The following ARB2A variants were observed in gnomAD, a reference collection of about 807,000 sequenced individuals.
ARB2A encodes cotranscriptional regulator ARB2A.
chr5:94,084,029 T>C, the ARB2A span, among the ~76,000 whole-genome samples: 13 of 151,932 alleles, frequency 8.6e-5, no homozygotes, highest in African/African-American at 2.9e-4. Context: ...TCCCAGCACT[T>C]TGGGAAGCCA....
chr5:93,847,129 A>G, the ARB2A span, among the ~76,000 whole-genome samples: 5 of 152,190 alleles, frequency 3.3e-5, no homozygotes, highest in African/African-American at 1.2e-4. Flanking sequence ...TTCTCTGCTC[A>G]TCTGTAAGAG....
the ARB2A span, among the ~76,000 whole-genome samples, chr5:93,925,737 A>C: frequency 6.6e-6 from 1 of 152,160 alleles, no homozygotes; most frequent in Non-Finnish European, 1.5e-5. Context: ...CCATGGGGAG[A>C]TATGTTGAAA....
At chr5:94,040,376 T>C in the ARB2A span, among the ~76,000 whole-genome samples, 2 of 151,894 alleles carry the variant, frequency 1.3e-5, no homozygotes, top group African/African-American at 2.4e-5. Flanking sequence ...AATTATATTT[T>C]AAGTTTTAGG....
At chr5:94,021,221 T>C in the ARB2A span, among the ~76,000 whole-genome samples, 1 of 152,014 alleles carries the variant, frequency 6.6e-6, no homozygotes, top group African/African-American at 2.4e-5. Flanking sequence ...ATGGAAATGG[T>C]TTATACAGGA....
the ARB2A span, among the ~76,000 whole-genome samples, chr5:93,853,295 G>A: frequency 2.0e-5 from 3 of 152,212 alleles, no homozygotes; most frequent in African/African-American, 4.8e-5. Context: ...TGTGATTTTT[G>A]TACATTGATT....
At chr5:93,952,073 AC>A in the ARB2A span, among the ~76,000 whole-genome samples, 2 of 152,262 alleles carry the variant, frequency 1.3e-5, no homozygotes, top group Non-Finnish European at 2.9e-5. Context: ...TATAGGTAAG[AC>A]CCTGGAAGTT....
At chr5:93,993,529 T>TA in the ARB2A span, among the ~76,000 whole-genome samples, 1 of 152,158 alleles carries the variant, frequency 6.6e-6, no homozygotes, top group Non-Finnish European at 1.5e-5. Context: ...TCATCCACTA[T>TA]AAAATCTTTT....
the ARB2A span, among the ~76,000 whole-genome samples, chr5:93,754,047 C>T: frequency 2.0e-5 from 3 of 152,150 alleles, no homozygotes; most frequent in Non-Finnish European, 2.9e-5. Context: ...TCTGTGATGC[C>T]TAGAGCACTG....
At chr5:93,887,824 G>A in the ARB2A span, among the ~76,000 whole-genome samples, 1,620 of 151,962 alleles carry the variant, frequency 0.011, 13 homozygotes, top group Non-Finnish European at 0.016. Context: ...CAAAATCTTT[G>A]TTAATCTCAT....
At chr5:93,994,293 A>G in the ARB2A span, among the ~76,000 whole-genome samples, 1 of 152,218 alleles carries the variant, frequency 6.6e-6, no homozygotes, top group Non-Finnish European at 1.5e-5. Context: ...GAATAAAGAA[A>G]GAAAATATGG....
chr5:93,697,018 C>T, the ARB2A span, among the ~76,000 whole-genome samples: 1 of 143,868 alleles, frequency 7.0e-6, no homozygotes, highest in African/African-American at 2.6e-5. Context: ...GTCGAGATTG[C>T]ACCACTGCAT....
At chr5:93,671,281 T>A in the ARB2A span, among the ~76,000 whole-genome samples, 3 of 152,158 alleles carry the variant, frequency 2.0e-5, no homozygotes, top group Non-Finnish European at 4.4e-5. Context: ...CCATCCATTT[T>A]GTAATCAACT....
the ARB2A span, among the ~76,000 whole-genome samples, chr5:93,926,700 C>T: frequency 6.6e-6 from 1 of 151,638 alleles, no homozygotes; most frequent in Admixed American, 6.6e-5. Context: ...AGAAATCAAT[C>T]CTAAGGCAGG....
the ARB2A span, among the ~76,000 whole-genome samples, chr5:93,703,869 A>G: frequency 6.6e-6 from 1 of 152,182 alleles, no homozygotes; most frequent in Non-Finnish European, 1.5e-5. Flanking sequence ...CTTCAGTTTC[A>G]TAAACATCTA....
the ARB2A span, among the ~76,000 whole-genome samples, chr5:93,625,170 C>T: frequency 1.2e-3 from 188 of 152,198 alleles, 1 homozygote; most frequent in Middle Eastern, 0.01. Context: ...GTAGGTTTGC[C>T]TGAGCACTTT....
the ARB2A span, among the ~76,000 whole-genome samples, chr5:93,637,882 C>A: frequency 6.6e-6 from 1 of 152,140 alleles, no homozygotes; most frequent in Non-Finnish European, 1.5e-5. Context: ...TTATTTCGAC[C>A]TTTGGACTGT....
the ARB2A span, among the ~76,000 whole-genome samples, chr5:93,841,136 T>C: frequency 6.6e-6 from 1 of 152,160 alleles, no homozygotes; most frequent in East Asian, 1.9e-4. Context: ...AGCATAATAA[T>C]GTTAACTGAA....
At chr5:93,723,283 A>G in the ARB2A span, among the ~76,000 whole-genome samples, 6 of 152,182 alleles carry the variant, frequency 3.9e-5, no homozygotes, top group African/African-American at 1.4e-4. Context: ...TAAATTCTTA[A>G]GACTGACCTC....
At chr5:93,904,664 T>C in the ARB2A span, among the ~76,000 whole-genome samples, 2 of 151,788 alleles carry the variant, frequency 1.3e-5, no homozygotes, top group Admixed American at 6.6e-5. Context: ...AAAGATTTAA[T>C]TGGCCACAAA....
Sources: gnomAD v4.1 joint callset for allele counts (sites outside exome capture counted in the v4.1 genomes callset) on GRCh38, gnomAD v4.1.1 for gene constraint, MANE v1.5 for transcripts, NCBI Gene and HGNC (gene_info 2026-07-23, HGNC 2026-07-21) for gene names.